Variants in ALCAM observed in about 807,000 individuals in gnomAD.
ALCAM encodes activated leukocyte cell adhesion molecule, also known as CD166 antigen.
A neutral mutation model predicts 70.9 loss-of-function variants in ALCAM; 30 were observed. That is an observed-to-expected ratio of 0.42 (90% CI 0.32 to 0.57). The LOEUF (loss-of-function observed/expected upper bound fraction) is 0.57, where lower values mean the gene tolerates loss of function less well. Ranked by LOEUF, ALCAM falls within the 20% of genes least tolerant of loss-of-function variation. ALCAM has a pLI of 0.11. For synonymous variants in ALCAM, 249 were observed against 242.5 expected (o/e 1.03, Z -0.25); for missense variants, 591 against 695.1 (o/e 0.85, Z 1.68).
intron 14 of ALCAM, among the ~76,000 whole-genome samples, chr3:105,567,393 T>A (rs957600354): frequency 1.2e-4 from 18 of 152,154 alleles, no homozygotes; most frequent in African/African-American, 4.3e-4. Context: ...TATGTTAGCC[T>A]GCTCACTATC....
intron 1 of ALCAM, among the ~76,000 whole-genome samples, chr3:105,411,998 A>C (rs1455804779): frequency 6.6e-6 from 1 of 152,108 alleles, no homozygotes; most frequent in East Asian, 1.9e-4. Flanking sequence ...TCTCATACTG[A>C]TAAGGGCATT....
At chr3:105,457,609 G>A (rs966180339) in intron 1 of ALCAM, among the ~76,000 whole-genome samples, 18 of 152,026 alleles carry the variant, frequency 1.2e-4, no homozygotes. Flanking sequence ...GGACACTGAT[G>A]AATTAAGTAG....
chr3:105,410,113 G>A (rs1372856831), intron 1 of ALCAM, among the ~76,000 whole-genome samples: 2 of 151,996 alleles, frequency 1.3e-5, no homozygotes, highest in African/African-American at 4.8e-5. Flanking sequence ...GTACCAACCG[G>A]AACTTGAATT....
At chr3:105,450,599 A>G (rs1037481513) in intron 1 of ALCAM, among the ~76,000 whole-genome samples, 3 of 152,226 alleles carry the variant, frequency 2.0e-5, no homozygotes, top group African/African-American at 7.2e-5. Flanking sequence ...AATGATAATA[A>G]TAGTAATATT....
chr3:105,502,833 G>A (rs957852733), intron 1 of ALCAM, among the ~76,000 whole-genome samples: 1 of 152,152 alleles, frequency 6.6e-6, no homozygotes, highest in Non-Finnish European at 1.5e-5. Flanking sequence ...TTTGTACTTT[G>A]TATCAGAGCT....
At chr3:105,527,597 G>GA (rs141608586) in intron 3 of ALCAM, among the ~76,000 whole-genome samples, 41 of 146,930 alleles carry the variant, frequency 2.8e-4, no homozygotes, top group African/African-American at 7.5e-4. Context: ...ATTTGTTCAT[G>GA]AAAAAAAAAA....
At chr3:105,517,942 C>A (rs1022138916) in intron 1 of ALCAM, among the ~76,000 whole-genome samples, 2 of 152,070 alleles carry the variant, frequency 1.3e-5, no homozygotes, top group African/African-American at 4.8e-5. Flanking sequence ...ATGATCTCTT[C>A]CCTGTTCTGA....
intron 1 of ALCAM, among the ~76,000 whole-genome samples, chr3:105,486,101 A>G (rs1353653544): frequency 6.6e-6 from 1 of 152,128 alleles, no homozygotes; most frequent in Non-Finnish European, 1.5e-5. Context: ...GCCTATTTAT[A>G]GTAACCTTGA....
intron 1 of ALCAM, among the ~76,000 whole-genome samples, chr3:105,509,319 A>T (rs1187140035): frequency 6.6e-6 from 1 of 152,032 alleles, no homozygotes; most frequent in African/African-American, 2.4e-5. Context: ...ACCAATTTAC[A>T]TTGCCACCAA....
intron 3 of ALCAM, among the ~76,000 whole-genome samples, chr3:105,527,826 A>G (rs1272899355): frequency 6.6e-6 from 1 of 151,918 alleles, no homozygotes; most frequent in Non-Finnish European, 1.5e-5. Context: ...CCACTTGGAT[A>G]CTGTTCTGAC....
intron 1 of ALCAM, among the ~76,000 whole-genome samples, chr3:105,431,121 C>A (rs1936920237): frequency 2.0e-5 from 3 of 150,694 alleles, no homozygotes. Flanking sequence ...AATTGCAAAT[C>A]CCCACTTATA....
intron 1 of ALCAM, among the ~76,000 whole-genome samples, chr3:105,459,552 C>T (rs73185114): frequency 0.15 from 23,021 of 151,872 alleles, 1,864 homozygotes; most frequent in Middle Eastern, 0.18. Context: ...GGTCCAAGCC[C>T]TATTGTATGT....
chr3:105,382,396 A>G (rs377436124), intron 1 of ALCAM, among the ~76,000 whole-genome samples: 1 of 152,026 alleles, frequency 6.6e-6, no homozygotes, highest in Non-Finnish European at 1.5e-5. Flanking sequence ...GCCACAATAA[A>G]CATACATGTG....
chr3:105,436,969 A>G (rs1487292087), intron 1 of ALCAM, among the ~76,000 whole-genome samples: 1 of 152,210 alleles, frequency 6.6e-6, no homozygotes. Flanking sequence ...GGGAAGGACC[A>G]TTCTTTCAAC....
chr3:105,452,865 T>C (rs542378293), intron 1 of ALCAM, among the ~76,000 whole-genome samples: 30 of 152,348 alleles, frequency 2.0e-4, no homozygotes, highest in African/African-American at 6.0e-4. Flanking sequence ...GCTGCATAAA[T>C]GTCTTCTTTT....
chr3:105,414,983 A>G (rs1936474361), intron 1 of ALCAM, among the ~76,000 whole-genome samples: 1 of 152,104 alleles, frequency 6.6e-6, no homozygotes, highest in Non-Finnish European at 1.5e-5. Context: ...CGTCTGACCT[A>G]GAGCCTCAGC....
chr3:105,367,935 G>GC (rs1935110585), intron 1 of ALCAM, among the ~76,000 whole-genome samples: 1 of 151,936 alleles, frequency 6.6e-6, no homozygotes. Flanking sequence ...ACTTCCCCTT[G>GC]GTGAGCCGAG....
intron 6 of ALCAM, among the ~76,000 whole-genome samples, chr3:105,536,285 G>T: frequency 6.6e-6 from 1 of 151,962 alleles, no homozygotes; most frequent in East Asian, 1.9e-4. Flanking sequence ...GTAGAGGTGG[G>T]GTTCCACCAT....
intron 4 of ALCAM, 104 bp from the exon 5 acceptor site, chr3:105,533,499 C>A: frequency 2.2e-6 from 2 of 889,728 alleles, no homozygotes; most frequent in Non-Finnish European, 1.8e-6. Flanking sequence ...ATAAACGGGT[C>A]AAGAAACCCT....
Sources: allele counts gnomAD v4.1 joint callset (sites outside exome capture counted in the v4.1 genomes callset), GRCh38; gene constraint gnomAD v4.1.1; transcripts MANE v1.5; gene names NCBI Gene and HGNC (gene_info 2026-07-23, HGNC 2026-07-21).